ST7: variants seen among roughly 807,000 people sequenced by gnomAD.
The protein encoded by ST7 is suppressor of tumorigenicity 7 protein.
A neutral mutation model predicts 78.7 loss-of-function variants in ST7; 28 were observed. That is an observed-to-expected ratio of 0.36 (90% CI 0.26 to 0.49). The LOEUF (loss-of-function observed/expected upper bound fraction) is 0.49, where lower values mean the gene tolerates loss of function less well. ST7 is among the 20% of genes least tolerant of loss of function. The probability of loss-of-function intolerance (pLI) is 0.99; values close to 1 mark genes in which losing one functional copy is unlikely to be tolerated. For synonymous variants in ST7, 247 were observed against 249.6 expected (o/e 0.99, Z 0.10); for missense variants, 418 against 696.0 (o/e 0.60, Z 4.49).
chr7:117,217,815 G>A (rs958432015), intron 13 of ST7, among the ~76,000 whole-genome samples: 3 of 152,170 alleles, frequency 2.0e-5, no homozygotes, highest in African/African-American at 7.2e-5. Flanking sequence ...CATTTATAGT[G>A]ATTTATATTC....
At chr7:117,091,380 C>T in intron 1 of ST7, among the ~76,000 whole-genome samples, 1 of 152,062 alleles carries the variant, frequency 6.6e-6, no homozygotes, top group East Asian at 1.9e-4. Flanking sequence ...AAAAAACATG[C>T]AAATATTGTG....
chr7:116,959,066 T>C (rs1792685369), intron 1 of ST7: 1 of 419,104 alleles, frequency 2.4e-6, no homozygotes, highest in Non-Finnish European at 4.7e-6. Context: ...CAGTAGGACT[T>C]TCAGAATTGG....
At chr7:117,090,078 A>G (rs1160899204) in intron 1 of ST7, among the ~76,000 whole-genome samples, 1 of 152,220 alleles carries the variant, frequency 6.6e-6, no homozygotes, top group Non-Finnish European at 1.5e-5. Context: ...AACCTTAACT[A>G]TCCCACATGA....
At chr7:117,081,157 C>A (rs1318791998) in intron 1 of ST7, 4 of 151,964 alleles carry the variant, frequency 2.6e-5, no homozygotes, top group Non-Finnish European at 5.9e-5. Context: ...AAGGGTATTA[C>A]CTCAAATGTT....
intron 1 of ST7, chr7:117,020,480 C>A: frequency 8.8e-7 from 1 of 1,141,070 alleles, no homozygotes; most frequent in Non-Finnish European, 1.2e-6. Context: ...CATTGTCTGG[C>A]TTCATGACCC....
At chr7:116,995,809 A>G (rs1258545397) in intron 1 of ST7, among the ~76,000 whole-genome samples, 2 of 152,234 alleles carry the variant, frequency 1.3e-5, no homozygotes, top group Non-Finnish European at 2.9e-5. Flanking sequence ...TTTCAAGGAA[A>G]GTTGAAAACG....
At chr7:116,972,226 C>T (rs1793462678) in intron 1 of ST7, 1 of 534,890 alleles carries the variant, frequency 1.9e-6, no homozygotes, top group Non-Finnish European at 3.6e-6. Flanking sequence ...GAGGCGCTGT[C>T]CTTTGGTGCA....
intron 1 of ST7, among the ~76,000 whole-genome samples, chr7:117,044,472 G>A (rs910668887): frequency 2.6e-5 from 4 of 152,096 alleles, no homozygotes; most frequent in Admixed American, 6.5e-5. Context: ...TCACCCTCCC[G>A]AGTACCTGGG....
intron 1 of ST7, chr7:116,972,367 T>A: frequency 1.6e-6 from 1 of 641,492 alleles, no homozygotes; most frequent in South Asian, 1.7e-5. Flanking sequence ...ATATTTGTCT[T>A]CTTTTTGAGA....
At chr7:117,098,344 C>T (rs1483093271) in intron 1 of ST7, among the ~76,000 whole-genome samples, 2 of 151,970 alleles carry the variant, frequency 1.3e-5, no homozygotes, top group Non-Finnish European at 2.9e-5. Flanking sequence ...CATCCCTCCT[C>T]CTGTCCACTT....
intron 9 of ST7, among the ~76,000 whole-genome samples, chr7:117,154,319 G>A (rs1806518383): frequency 6.6e-6 from 1 of 152,170 alleles, no homozygotes; most frequent in African/African-American, 2.4e-5. Flanking sequence ...CCAGGACCTG[G>A]ATCTTGGACC....
Position 116,956,933 on chromosome 7 carries a change from A to G in ST7, c.151+3242A>G, listed in dbSNP as rs1205526398. 1.4e-5 allele frequency: 4 copies of G among 283,952 alleles called. 1 individual carries two copies. Among genetic ancestry groups the G allele is most frequent in the Admixed American group, 9.7e-5 (2 of 20,610 alleles). The allele number at this position is 283,952 out of a possible 1,614,324, so 17.6% of individuals were successfully genotyped here. On this transcript the variant is annotated intron_variant, in intron 1 of 15. Transcript: ENST00000323984. ...AGCCTAAGAGGATGAGGAGAATTCC[A>G]TGATTGAGGACTCAGAGGTGGACCT...
At chr7:117,115,495 C>T (rs1802799195) in intron 2 of ST7, among the ~76,000 whole-genome samples, 1 of 151,588 alleles carries the variant, frequency 6.6e-6, no homozygotes, top group African/African-American at 2.4e-5. Flanking sequence ...GCTGGGATGA[C>T]AGGCACCCAC....
chr7:117,200,007 G>A (rs1810669198), intron 12 of ST7, among the ~76,000 whole-genome samples: 1 of 152,068 alleles, frequency 6.6e-6, no homozygotes, highest in African/African-American at 2.4e-5. Context: ...ATTGAGCCTT[G>A]GCTGATAGGA....
At chr7:117,097,803 C>T (rs1268627092) in intron 1 of ST7, among the ~76,000 whole-genome samples, 2 of 129,072 alleles carry the variant, frequency 1.5e-5, no homozygotes, top group East Asian at 2.2e-4. Context: ...CAAACTGTTG[C>T]ATGGGAAATG....
At chr7:117,149,622 A>G (rs1430494557) in intron 9 of ST7, among the ~76,000 whole-genome samples, 1 of 63,206 alleles carries the variant, frequency 1.6e-5, no homozygotes, top group African/African-American at 6.3e-5. Context: ...TTTTGAAGGC[A>G]TTGTTTTTTG....
At chr7:117,030,786 C>T (rs192614647) in intron 1 of ST7, among the ~76,000 whole-genome samples, 9 of 152,186 alleles carry the variant, frequency 5.9e-5, no homozygotes, top group Admixed American at 2.6e-4. Flanking sequence ...GGCAACTCCT[C>T]GAAGAACCAA....
rs1294457340 is a variant in ST7, at chr7:116,989,081, T to C, written c.151+35390T>C. On this transcript the variant is annotated intron_variant, in intron 1 of 15. Coordinates refer to ENST00000323984, the MANE Select transcript of ST7 (RefSeq NM_001369598.1). ...AGACACATTAACAAAGAGAAACAGA[T>C]AAAATCAATTTTTGTACTGCCTTTT... 4.6e-5 allele frequency among the ~76,000 whole-genome samples: 7 copies of C among 152,196 alleles called. No homozygotes were observed. In the East Asian group the frequency reaches 1.3e-3, roughly 29 times the overall value.
chr7:117,079,654 T>G (rs1359098375), intron 1 of ST7, among the ~76,000 whole-genome samples: 4 of 152,148 alleles, frequency 2.6e-5, no homozygotes, highest in Non-Finnish European at 5.9e-5. Flanking sequence ...CTTTAGAAAA[T>G]AGCCTGTATT....
Sources: gnomAD v4.1 joint callset for allele counts (sites outside exome capture counted in the v4.1 genomes callset) on GRCh38, gnomAD v4.1.1 for gene constraint, MANE v1.5 for transcripts, NCBI Gene and HGNC (gene_info 2026-07-23, HGNC 2026-07-21) for gene names.